Variants in MRTFA observed in about 807,000 individuals in gnomAD.
MRTFA encodes the protein myocardin-related transcription factor A.
In MRTFA, 20 loss-of-function variants were observed where a neutral mutation model predicts 83.5. The observed-to-expected ratio is 0.24, with a 90% CI of 0.17 to 0.35. The LOEUF (loss-of-function observed/expected upper bound fraction) is 0.35. MRTFA is among the 10% of genes least tolerant of loss of function. MRTFA has a pLI of 1.00. For missense variants in MRTFA, 1,200 were observed against 1,224.7 expected (o/e 0.98, Z 0.30); for synonymous variants, 659 against 541.2 (o/e 1.22, Z -3.02).
At chr22:40,472,846 G>A (rs2147170428) in intron 3 of MRTFA, among the ~76,000 whole-genome samples, 1 of 152,314 alleles carries the variant, frequency 6.6e-6, no homozygotes, top group African/African-American at 2.4e-5. Flanking sequence ...AGCTCCTGGA[G>A]CAGAGGACAA....
chr22:40,463,624 A>C (rs1461815588), intron 3 of MRTFA, among the ~76,000 whole-genome samples: 1 of 152,122 alleles, frequency 6.6e-6, no homozygotes, highest in Non-Finnish European at 1.5e-5. Context: ...AAAATATCCT[A>C]ACGAGGACCA....
chr22:40,534,259 T>C (rs2055129819), intron 3 of MRTFA, among the ~76,000 whole-genome samples: 2 of 152,168 alleles, frequency 1.3e-5, no homozygotes, highest in Non-Finnish European at 2.9e-5. Context: ...AAGTTGAACA[T>C]TTAACTACAG....
chr22:40,620,940 G>A (rs1167978868), intron 1 of MRTFA, among the ~76,000 whole-genome samples: 2 of 152,142 alleles, frequency 1.3e-5, no homozygotes, highest in African/African-American at 4.8e-5. Flanking sequence ...CCAGCACTTT[G>A]AGAGGCCAAA....
intron 3 of MRTFA, among the ~76,000 whole-genome samples, chr22:40,529,717 A>G (rs1936404983): frequency 6.6e-6 from 1 of 152,226 alleles, no homozygotes; most frequent in African/African-American, 2.4e-5. Context: ...ACACTTAGAA[A>G]ACTTGAGTGT....
chr22:40,630,277 C>G (rs1228579183), intron 1 of MRTFA, among the ~76,000 whole-genome samples: 2 of 152,120 alleles, frequency 1.3e-5, no homozygotes, highest in African/African-American at 4.8e-5. Flanking sequence ...GATCACACCA[C>G]TGTGCTCTAC....
chr22:40,550,445 A>G (rs1358145764), intron 3 of MRTFA, among the ~76,000 whole-genome samples: 4 of 152,226 alleles, frequency 2.6e-5, no homozygotes, highest in African/African-American at 9.6e-5. Flanking sequence ...GAGACCAGTC[A>G]AAGAAAAGAG....
intron 9 of MRTFA, 133 bp from the exon 10 acceptor site, chr22:40,421,233 C>T (rs571621733): frequency 2.6e-5 from 27 of 1,019,248 alleles, no homozygotes; most frequent in Admixed American, 5.9e-5. Flanking sequence ...TTCCACTCTT[C>T]CCTGTGGGAC....
intron 2 of MRTFA, among the ~76,000 whole-genome samples, chr22:40,557,342 T>C (rs2055539715): frequency 6.6e-6 from 1 of 152,228 alleles, no homozygotes; most frequent in African/African-American, 2.4e-5. Flanking sequence ...TGCGCTAGAA[T>C]CATGGTTTCA....
At chr22:40,432,687 GA>G (rs71199286) in intron 5 of MRTFA, among the ~76,000 whole-genome samples, 89,465 of 145,512 alleles carry the variant, frequency 0.61, 27,660 homozygotes, top group African/African-American at 0.72. Flanking sequence ...TGAAGAAAAA[GA>G]AAAAAAAAAA....
At chr22:40,589,674 G>A (rs1016194837) in intron 2 of MRTFA, among the ~76,000 whole-genome samples, 4 of 152,126 alleles carry the variant, frequency 2.6e-5, no homozygotes, top group African/African-American at 9.7e-5. Context: ...ATGACCCAAG[G>A]AAAACTAAAT....
chr22:40,441,449 T>C (rs2053272078), intron 4 of MRTFA, among the ~76,000 whole-genome samples: 1 of 152,190 alleles, frequency 6.6e-6, no homozygotes, highest in African/African-American at 2.4e-5. Context: ...CAATTAAAGA[T>C]ATAAAAGGTG....
rs550411349 is a variant in MRTFA at position 40,576,490 on chromosome 22, C to A, written c.-22+18184G>T. Among the ~76,000 whole-genome samples the A allele has an allele frequency of 2.0e-5, 3 of 152,218 alleles. No individual in the cohort carries two copies. In the South Asian group the frequency reaches 6.2e-4, roughly 32 times the overall value. ...ATCTCCCTAAATTGTTCAATTTACA[C>A]CATAAATTTACTTTTCCCACCTTTT... On this transcript the variant is annotated intron_variant, in intron 2 of 14. Transcript: ENST00000355630.
chr22:40,435,621 G>C, intron 4 of MRTFA, 67 bp from the exon 5 acceptor site: 1 of 1,548,492 alleles, frequency 6.5e-7, no homozygotes, highest in Non-Finnish European at 8.9e-7. Flanking sequence ...ACGATATTCA[G>C]TGGAGAAGGC....
At chr22:40,420,710 T>G (rs2052815554) in intron 10 of MRTFA, 134 bp from the exon 11 acceptor site, 76 of 1,532,076 alleles carry the variant, frequency 5.0e-5, no homozygotes, top group Non-Finnish European at 6.5e-5. Context: ...AGGGTGGCCC[T>G]GCCTGCAGAC....
rs1431042548 is a variant in MRTFA at position 40,429,705 on chromosome 22, C to T, written c.502G>A (p.Asp168Asn). 12 of 1,613,968 alleles carry T rather than the reference C, an allele frequency of 7.4e-6. No homozygotes were observed. The highest frequency in any genetic ancestry group is 1.3e-5 in the African/African-American group (1 of 74,896). Residue 168 changes from aspartate (D) to asparagine (N), a missense_variant, in exon 7 of 15, where the codon GAT (aspartate) becomes AAT (asparagine). By Grantham distance (23) the Asp-to-Asn change is conservative. This residue lies in a region of MRTFA where 93 missense variants were observed against 182.9 expected (regional missense o/e 0.51). Coordinates refer to ENST00000355630, the MANE Select transcript of MRTFA (RefSeq NM_020831.6). Reference sequence around the variant, plus strand: ...TGTGCAATCTTCTCATTGAGGTCATCGGCTAGTCTGGCTCTCTTCAGCTTC... The same window carrying T: ...TGTGCAATCTTCTCATTGAGGTCATTGGCTAGTCTGGCTCTCTTCAGCTTC...
At chr22:40,588,555 T>C (rs1169129801) in intron 2 of MRTFA, among the ~76,000 whole-genome samples, 1 of 152,172 alleles carries the variant, frequency 6.6e-6, no homozygotes, top group Admixed American at 6.5e-5. Context: ...TGAGAACCAC[T>C]GAAAAATTTA....
At chr22:40,522,582 G>C (rs998406829) in intron 3 of MRTFA, 6 of 152,492 alleles carry the variant, frequency 3.9e-5, no homozygotes, top group African/African-American at 1.4e-4. Context: ...CTGGAGTGCA[G>C]TGGTGTGGTC....
At chr22:40,581,645 T>C (rs1397450889) in intron 2 of MRTFA, among the ~76,000 whole-genome samples, 1 of 152,196 alleles carries the variant, frequency 6.6e-6, no homozygotes, top group African/African-American at 2.4e-5. Flanking sequence ...ATGTATAATA[T>C]ATATACAACT....
intron 4 of MRTFA, among the ~76,000 whole-genome samples, chr22:40,459,387 T>C (rs2053655348): frequency 6.6e-6 from 1 of 152,118 alleles, no homozygotes; most frequent in African/African-American, 2.4e-5. Context: ...AAGCATTTCT[T>C]ACCTACTTCC....
Sources: allele counts gnomAD v4.1 joint callset (sites outside exome capture counted in the v4.1 genomes callset), GRCh38; gene constraint gnomAD v4.1.1; regional missense constraint gnomAD v4.1.1; transcripts MANE v1.5; gene names NCBI Gene and HGNC (gene_info 2026-07-23, HGNC 2026-07-21).